The following MEGF10 variants were observed in gnomAD, a reference collection of about 807,000 sequenced individuals.
MEGF10 encodes the protein multiple EGF like domains 10.
MEGF10 carries 86 observed loss-of-function variants against 147.5 expected under a neutral mutation model. The ratio of observed to expected loss-of-function variants is 0.58; its 90% CI spans 0.49 to 0.70. MEGF10 has a LOEUF of 0.70. Among genes scored for constraint, MEGF10 ranks in the 30% least tolerant of loss-of-function variants. The probability of loss-of-function intolerance (pLI) is 0.00; values close to 1 mark genes in which losing one functional copy is unlikely to be tolerated. For synonymous variants in MEGF10, 478 were observed against 525.5 expected (o/e 0.91, Z 1.24); for missense variants, 1,329 against 1,487.3 (o/e 0.89, Z 1.75).
chr5:127,422,823 C>A, intron 13 of MEGF10, 51 bp downstream of exon 13: 1 of 1,329,454 alleles, frequency 7.5e-7, no homozygotes, highest in Non-Finnish European at 1.1e-6. Flanking sequence ...AATTTAACAC[C>A]TAGTGCTGTT....
At chr5:127,375,309 T>C (rs1197312205) in intron 5 of MEGF10, among the ~76,000 whole-genome samples, 1 of 152,192 alleles carries the variant, frequency 6.6e-6, no homozygotes, top group African/African-American at 2.4e-5. Flanking sequence ...CTCTTTGAGA[T>C]TTGATATGTC....
At chr5:127,250,607 A>G in the MEGF10 span, among the ~76,000 whole-genome samples, 411 of 152,116 alleles carry the variant, frequency 2.7e-3, 3 homozygotes, top group African/African-American at 7.2e-3. Context: ...GACAAGATAA[A>G]CTTGCTGCCA....
At position 127,460,881 on chromosome 5, in the gene MEGF10, G is replaced by A. The variant is rs1477843143; in HGVS notation, c.*3563G>A. 6.6e-6 allele frequency: 1 copy of A among 152,160 alleles called. No homozygotes were observed. The highest frequency in any genetic ancestry group is 1.5e-5 in the Non-Finnish European group (1 of 68,022). 9.4% of individuals were successfully genotyped at this position (152,160 alleles called of 1,614,324 possible). ...ACATGCATATGCAAGTGTGAATTACGTGGTATGGATGTTTGCTTGTTTATT... is the reference window on the plus strand; with the variant it reads ...ACATGCATATGCAAGTGTGAATTACATGGTATGGATGTTTGCTTGTTTATT... On this transcript the variant is annotated 3_prime_UTR_variant, in exon 25 of 25. Transcript: ENST00000503335.
Position 127,457,258 on chromosome 5 carries a change from C to G in MEGF10, c.3363C>G (p.Ser1121=). 1 of 1,614,134 alleles carries G rather than the reference C, an allele frequency of 6.2e-7. No homozygotes were observed. The highest frequency in any genetic ancestry group is 1.1e-5 in the South Asian group (1 of 91,076). Residue 1121 remains serine (S), a synonymous_variant, in exon 25 of 25, where the codon TCC becomes TCG. Transcript: ENST00000503335. Reference sequence around the variant, plus strand: ...TGCTGCCAGTCCGAGACAGTTCATCCTCCCCTAAGCAAGAGGACAGTGGTG... The same window carrying G: ...TGCTGCCAGTCCGAGACAGTTCATCGTCCCCTAAGCAAGAGGACAGTGGTG... ...YDLLPVRDSS[S]SPKQEDSGGS...
At chr5:127,323,952 T>C (rs1760898802) in intron 1 of MEGF10, among the ~76,000 whole-genome samples, 1 of 152,162 alleles carries the variant, frequency 6.6e-6, no homozygotes, top group Non-Finnish European at 1.5e-5. Context: ...TCCTGTGAAA[T>C]GGTGTTCAAA....
intron 1 of MEGF10, among the ~76,000 whole-genome samples, chr5:127,305,157 C>T (rs1759956107): frequency 6.6e-6 from 1 of 152,136 alleles, no homozygotes; most frequent in African/African-American, 2.4e-5. Context: ...CAAAAGGTTA[C>T]AGAATTTGTT....
the MEGF10 span, among the ~76,000 whole-genome samples, chr5:127,240,056 T>C: frequency 3.3e-5 from 5 of 152,170 alleles, no homozygotes; most frequent in Admixed American, 2.6e-4. Context: ...ATCGAGTATT[T>C]TAGGAGGAAA....
intron 1 of MEGF10, among the ~76,000 whole-genome samples, chr5:127,326,115 A>C (rs1363180718): frequency 2.7e-5 from 4 of 150,884 alleles, no homozygotes; most frequent in Non-Finnish European, 5.9e-5. Flanking sequence ...TGGTCTTGCT[A>C]TGTTGCTGAG....
chr5:127,406,346 T>C (rs1048860687), intron 8 of MEGF10, among the ~76,000 whole-genome samples: 2 of 152,246 alleles, frequency 1.3e-5, no homozygotes, highest in African/African-American at 4.8e-5. Context: ...GCTGCTCTTG[T>C]AACTATTGTT....
At chr5:127,391,813 A>G (rs1222724222) in intron 5 of MEGF10, among the ~76,000 whole-genome samples, 1 of 152,156 alleles carries the variant, frequency 6.6e-6, no homozygotes, top group Non-Finnish European at 1.5e-5. Context: ...GCATCCTAAC[A>G]TCTATGAAAT....
chr5:127,391,144 ACACACACACATACATG>A (rs1763672868), intron 5 of MEGF10, among the ~76,000 whole-genome samples: 1 of 73,812 alleles, frequency 1.4e-5, no homozygotes, highest in African/African-American at 3.9e-5. Context: ...ACACACACAC[ACACACACACATACATG>A]CTTATTTCTT....
chr5:127,389,708 G>A (rs552875821), intron 5 of MEGF10, among the ~76,000 whole-genome samples: 1 of 152,200 alleles, frequency 6.6e-6, no homozygotes, highest in Admixed American at 6.5e-5. Flanking sequence ...TTTATAAGTG[G>A]GAGCTAAATA....
chr5:127,256,232 T>A, the MEGF10 span, among the ~76,000 whole-genome samples: 20 of 152,300 alleles, frequency 1.3e-4, no homozygotes, highest in East Asian at 9.6e-4. Context: ...TTAAAAAAAA[T>A]TTCCTCCAAT....
chr5:127,330,035 C>G (rs1761192400), intron 1 of MEGF10, among the ~76,000 whole-genome samples: 1 of 152,112 alleles, frequency 6.6e-6, no homozygotes, highest in Admixed American at 6.6e-5. Context: ...GAAAGCTTCC[C>G]CTCCCCAGAG....
chr5:127,301,494 A>G (rs1759770337), intron 1 of MEGF10, among the ~76,000 whole-genome samples: 1 of 152,044 alleles, frequency 6.6e-6, no homozygotes, highest in Non-Finnish European at 1.5e-5. Context: ...CATTTTGGCC[A>G]TTGGACTTAC....
chr5:127,393,276 G>T (rs1763772716), intron 5 of MEGF10, among the ~76,000 whole-genome samples: 1 of 152,170 alleles, frequency 6.6e-6, no homozygotes, highest in South Asian at 2.1e-4. Flanking sequence ...TGTGGTACTT[G>T]AATTCAGGAT....
chr5:127,440,838 C>A lies in MEGF10; in HGVS notation c.2333C>A (p.Thr778Asn). Residue 778 changes from threonine (T) to asparagine (N), a missense_variant, in exon 18 of 25, where the codon ACT becomes AAT. This residue lies in a region of MEGF10 where 980 missense variants were observed against 1,085.9 expected (regional missense o/e 0.90). Transcript: ENST00000503335. ...DHISGQCTCR[T>N]GFMGRHCEQK... ...ATTTCTGGGCAGTGTACTTGCCGCA[C>A]TGGATTCATGGGACGGCACTGTGAG... 1 of 1,614,110 alleles carries A rather than the reference C, an allele frequency of 6.2e-7. No homozygotes were observed. Among genetic ancestry groups the A allele is most frequent in the African/African-American group, 1.3e-5 (1 of 75,048 alleles).
chr5:127,345,391 T>G (rs1018340645), intron 4 of MEGF10, among the ~76,000 whole-genome samples: 1 of 152,090 alleles, frequency 6.6e-6, no homozygotes, highest in African/African-American at 2.4e-5. Flanking sequence ...GAGCAGACTT[T>G]GACTAACAAG....
the MEGF10 span, among the ~76,000 whole-genome samples, chr5:127,267,712 A>G: frequency 2.6e-5 from 4 of 152,082 alleles, no homozygotes; most frequent in Admixed American, 6.6e-5. Context: ...ATTTGCATAG[A>G]GGTGTTTATA....
Sources: gnomAD v4.1 joint callset for allele counts (sites outside exome capture counted in the v4.1 genomes callset) on GRCh38, gnomAD v4.1.1 for gene constraint, gnomAD v4.1.1 regional missense constraint, MANE v1.5 for transcripts, NCBI Gene and HGNC (gene_info 2026-07-23, HGNC 2026-07-21) for gene names.